Variants in CD200R1 observed in about 807,000 individuals in gnomAD.
The protein encoded by CD200R1 is cell surface glycoprotein CD200 receptor 1.
CD200R1 carries 30 observed loss-of-function variants against 38.1 expected under a neutral mutation model. The observed-to-expected ratio is 0.79, with a 90% CI of 0.59 to 1.07. The LOEUF is 1.07. Ranked by LOEUF, CD200R1 falls within the 50% of genes least tolerant of loss-of-function variation. The pLI is 0.00. For missense variants in CD200R1, 372 were observed against 415.4 expected (o/e 0.90, Z 0.91); for synonymous variants, 128 against 152.1 (o/e 0.84, Z 1.16).
chr3:112,954,078 C>T (rs1941032404), intron 1 of CD200R1, among the ~76,000 whole-genome samples: 1 of 151,930 alleles, frequency 6.6e-6, no homozygotes, highest in Admixed American at 6.6e-5. Context: ...ATAAATCTTC[C>T]TCTTATAGCT....
chr3:112,946,394 A>G (rs1940861416), intron 2 of CD200R1, among the ~76,000 whole-genome samples: 1 of 152,186 alleles, frequency 6.6e-6, no homozygotes, highest in South Asian at 2.1e-4. Context: ...CAGAGGGCCA[A>G]CTGTATTTTC....
At chr3:112,928,778 G>T in intron 5 of CD200R1, 38 bp downstream of exon 5, 2 of 1,484,658 alleles carry the variant, frequency 1.3e-6, no homozygotes, top group Non-Finnish European at 1.8e-6. Context: ...TTAAAAGAAT[G>T]GAAAAAAATA....
At chr3:112,925,803 A>C (rs1940267591) in intron 5 of CD200R1, among the ~76,000 whole-genome samples, 1 of 152,188 alleles carries the variant, frequency 6.6e-6, no homozygotes, top group African/African-American at 2.4e-5. Context: ...TTATATCCAT[A>C]TCTATCTATA....
chr3:112,960,664 A>G (rs1195504897), intron 1 of CD200R1, among the ~76,000 whole-genome samples: 2 of 152,044 alleles, frequency 1.3e-5, no homozygotes, highest in Non-Finnish European at 2.9e-5. Flanking sequence ...AAATGTAAAG[A>G]AAAGCAGGGA....
chr3:112,964,546 T>C (rs1933108891), intron 1 of CD200R1, among the ~76,000 whole-genome samples: 1 of 152,216 alleles, frequency 6.6e-6, no homozygotes, highest in Non-Finnish European at 1.5e-5. Flanking sequence ...TGTAGCCCCT[T>C]TGTTTTGACC....
chr3:112,940,859 T>C (rs1182181982), intron 2 of CD200R1, among the ~76,000 whole-genome samples: 2 of 151,806 alleles, frequency 1.3e-5, no homozygotes, highest in African/African-American at 4.8e-5. Context: ...CACCCCTATG[T>C]TTATTACAGC....
chr3:112,928,711 T>G (rs1244942967), intron 5 of CD200R1, 105 bp downstream of exon 5: 8 of 815,640 alleles, frequency 9.8e-6, no homozygotes, highest in Non-Finnish European at 1.5e-5. Context: ...AAATGAAGAG[T>G]GGGGAGAGCA....
intron 2 of CD200R1, among the ~76,000 whole-genome samples, chr3:112,946,032 CAAA>C (rs1208921538): frequency 2.8e-5 from 2 of 71,854 alleles, no homozygotes. Context: ...GACTCCGTCT[CAAA>C]AAAAAAAAAA....
At chr3:112,964,882 G>A (rs566699108) in intron 1 of CD200R1, among the ~76,000 whole-genome samples, 16 of 152,190 alleles carry the variant, frequency 1.1e-4, no homozygotes, top group Admixed American at 2.6e-4. Flanking sequence ...GAACCATGGG[G>A]GCAGGTCTTT....
At chr3:112,952,578 T>G (rs986082730) in intron 1 of CD200R1, among the ~76,000 whole-genome samples, 1 of 152,006 alleles carries the variant, frequency 6.6e-6, no homozygotes, top group Non-Finnish European at 1.5e-5. Flanking sequence ...TAGGTGGGAA[T>G]TGAACAATGA....
chr3:112,954,186 T>A (rs1941034267), intron 1 of CD200R1, among the ~76,000 whole-genome samples: 2 of 152,134 alleles, frequency 1.3e-5, no homozygotes, highest in Admixed American at 1.3e-4. Context: ...ATTGGCCAAT[T>A]GGTTGTTCAG....
intron 1 of CD200R1, among the ~76,000 whole-genome samples, chr3:112,953,426 C>T (rs572778236): frequency 2.0e-4 from 31 of 152,184 alleles, no homozygotes; most frequent in African/African-American, 6.0e-4. Context: ...TTTTATCTGG[C>T]GTCCTTGTCT....
intron 1 of CD200R1, among the ~76,000 whole-genome samples, chr3:112,965,590 G>A (rs938115931): frequency 5.9e-5 from 9 of 151,978 alleles, no homozygotes; most frequent in South Asian, 2.1e-4. Context: ...ATGAAACTCC[G>A]TCTCTACTAA....
At chr3:112,927,687 A>G (rs1352694233) in intron 5 of CD200R1, among the ~76,000 whole-genome samples, 1 of 152,184 alleles carries the variant, frequency 6.6e-6, no homozygotes, top group East Asian at 1.9e-4. Context: ...CTAGAGGCCA[A>G]TCAGGAGAGA....
At chr3:112,959,677 G>A (rs1224065679) in intron 1 of CD200R1, among the ~76,000 whole-genome samples, 2 of 151,950 alleles carry the variant, frequency 1.3e-5, no homozygotes. Flanking sequence ...CTCTACATTT[G>A]GTGAGTCAAG....
intron 1 of CD200R1, among the ~76,000 whole-genome samples, chr3:112,957,338 C>T (rs1941123091): frequency 6.6e-6 from 1 of 152,004 alleles, no homozygotes; most frequent in African/African-American, 2.4e-5. Context: ...CACCTTTGTG[C>T]TCCACCCTCC....
At position 112,942,661 on chromosome 3, in the gene CD200R1, TA is replaced by T. The variant is rs1940753636; in HGVS notation, c.136+5194del. On this transcript the variant is annotated intron_variant, in intron 2 of 7. Transcript: ENST00000308611. Reference sequence around the variant, plus strand: ...ACATCAATGGTCTGAATGCACCAAATAAAAGACGGAGATTGTCAGAGTAGAT... The same window carrying T: ...ACATCAATGGTCTGAATGCACCAAATAAAGACGGAGATTGTCAGAGTAGAT... Among the ~76,000 whole-genome samples, 5 of 151,496 alleles carry T rather than the reference TA, an allele frequency of 3.3e-5. No individual in the cohort carries two copies. In the South Asian group the frequency reaches 1.0e-3, roughly 31 times the overall value.
chr3:112,963,984 T>C (rs182436971), intron 1 of CD200R1, among the ~76,000 whole-genome samples: 214 of 152,318 alleles, frequency 1.4e-3, no homozygotes, highest in Non-Finnish European at 1.8e-3. Context: ...GGGGCCAACA[T>C]ACAGCTCAGG....
At position 112,929,066 on chromosome 3, in the gene CD200R1, T is replaced by C; in HGVS notation, c.521-2A>G. ...GAAACAGGGTCACTTCAGGTGTAAC[T>C]GCAGAGAGGAAAGAGGGAAAAAAAT... On this transcript the variant is annotated splice_acceptor_variant, in intron 4 of 7. Transcript: ENST00000308611. LOFTEE classifies it high-confidence loss of function. 3 of 1,613,598 alleles carry C rather than the reference T, an allele frequency of 1.9e-6. No individual in the cohort carries two copies. Among genetic ancestry groups the C allele is most frequent in the Non-Finnish European group, 2.5e-6 (3 of 1,179,766 alleles).
Sources: allele counts gnomAD v4.1 joint callset (sites outside exome capture counted in the v4.1 genomes callset), GRCh38; gene constraint gnomAD v4.1.1; transcripts MANE v1.5; gene names NCBI Gene and HGNC (gene_info 2026-07-23, HGNC 2026-07-21).